The following TRAPPC9 variants were observed in gnomAD, a reference collection of about 807,000 sequenced individuals.
The protein encoded by TRAPPC9 is trafficking protein particle complex subunit 9.
TRAPPC9 carries 83 observed loss-of-function variants against 124.0 expected under a neutral mutation model. The ratio of observed to expected loss-of-function variants is 0.67; its 90% CI spans 0.56 to 0.80. The LOEUF is 0.80. Ranked by LOEUF, TRAPPC9 falls within the 30% of genes least tolerant of loss-of-function variation. TRAPPC9 has a pLI of 0.00. For missense variants in TRAPPC9, 1,302 were observed against 1,508.3 expected (o/e 0.86, Z 2.27); for synonymous variants, 638 against 617.5 (o/e 1.03, Z -0.49).
At chr8:140,023,851 G>A in intron 18 of TRAPPC9, 86 bp downstream of exon 18, 1 of 1,601,168 alleles carries the variant, frequency 6.2e-7, no homozygotes, top group South Asian at 1.1e-5. Flanking sequence ...CGGGATGCAT[G>A]ACAAAAACAC....
At chr8:140,156,931 A>AAAGCCTCCCTTTCCATTCAG (rs1563803811) in intron 17 of TRAPPC9, among the ~76,000 whole-genome samples, 5 of 149,602 alleles carry the variant, frequency 3.3e-5, no homozygotes, top group Admixed American at 6.6e-5. Flanking sequence ...AAACATTGGA[A>AAAGCCTCCCTTTCCATTCAG]AAGCCTCCCT....
rs549997053 is a variant in TRAPPC9 at position 139,964,248 on chromosome 8, G to C, written c.2810+24478C>G. ...TCAAAAAAAAAAAAAAAAAAAAAGC[G>C]GGGGAGCACCTCAGGAGGCCAGGGA... On this transcript the variant is annotated intron_variant, in intron 19 of 22. Transcript: ENST00000438773. 5.7e-3 allele frequency among the ~76,000 whole-genome samples: 803 copies of C among 141,486 alleles called. 5 individuals carry two copies. The highest frequency in any genetic ancestry group is 8.7e-3 in the Non-Finnish European group (571 of 65,784). The allele number at this position is 141,486 out of a possible 152,430, so 92.8% of individuals were successfully genotyped here.
intron 7 of TRAPPC9, among the ~76,000 whole-genome samples, chr8:140,380,457 C>A (rs2068569717): frequency 6.6e-6 from 1 of 151,890 alleles, no homozygotes; most frequent in Non-Finnish European, 1.5e-5. Flanking sequence ...AGTTCAAGAC[C>A]AGCCTGGCCA....
intron 21 of TRAPPC9, among the ~76,000 whole-genome samples, chr8:139,786,507 T>C (rs543503302): frequency 6.9e-6 from 1 of 144,928 alleles, no homozygotes; most frequent in African/African-American, 2.5e-5. Flanking sequence ...GGAAGCTTCT[T>C]AAAAAAAAAA....
At chr8:140,209,727 T>C (rs2063010714) in intron 17 of TRAPPC9, among the ~76,000 whole-genome samples, 1 of 152,174 alleles carries the variant, frequency 6.6e-6, no homozygotes, top group South Asian at 2.1e-4. Flanking sequence ...CCGGAGAAAG[T>C]ATTATTATCT....
intron 18 of TRAPPC9, among the ~76,000 whole-genome samples, chr8:140,020,850 T>A (rs777693464): frequency 5.9e-5 from 9 of 152,254 alleles, no homozygotes; most frequent in Non-Finnish European, 1.0e-4. Flanking sequence ...TTGATCATTA[T>A]GTACTTTTGA....
At chr8:139,957,639 G>C (rs1835087252) in intron 19 of TRAPPC9, among the ~76,000 whole-genome samples, 1 of 152,226 alleles carries the variant, frequency 6.6e-6, no homozygotes. Context: ...GGCAGAGGGA[G>C]AAAGAAGCAA....
chr8:140,411,957 A>G (rs1365019530), intron 5 of TRAPPC9, among the ~76,000 whole-genome samples: 1 of 152,264 alleles, frequency 6.6e-6, no homozygotes, highest in Non-Finnish European at 1.5e-5. Context: ...CAGCACAGTA[A>G]TAACTGACTC....
In TRAPPC9 at chr8:140,241,363, T is replaced by C. The variant is rs1229948623; in HGVS notation, c.2431+11414A>G. The stretch of plus-strand genomic sequence containing the variant: ...TTGTAGTGAGCTGAGATCACACCAC[T>C]GCACTCCAGCCTGGGAGACAGAGTG... On this transcript the variant is annotated intron_variant, in intron 16 of 22. Coordinates refer to ENST00000438773, the MANE Select transcript of TRAPPC9 (RefSeq NM_001160372.4). The surrounding 1 kb of genome is among the most constrained non-coding windows in gnomAD (Gnocchi z 5.0). Among the ~76,000 whole-genome samples, 1 of 152,032 alleles carries C rather than the reference T, an allele frequency of 6.6e-6. No individual in the cohort carries two copies. The highest frequency in any genetic ancestry group is 1.5e-5 in the Non-Finnish European group (1 of 68,028).
intron 17 of TRAPPC9, among the ~76,000 whole-genome samples, chr8:140,101,541 G>GTTTTTTTTTTTTTTTTTTT: frequency 8.7e-6 from 1 of 114,958 alleles, no homozygotes; most frequent in Non-Finnish European, 1.7e-5. Flanking sequence ...TCTTTTTTTT[G>GTTTTTTTTTTTTTTTTTTT]TTTTTTTTTT....
At chr8:140,075,900 C>T (rs943772968) in intron 17 of TRAPPC9, among the ~76,000 whole-genome samples, 3 of 152,234 alleles carry the variant, frequency 2.0e-5, no homozygotes, top group Non-Finnish European at 4.4e-5. Flanking sequence ...CTGCCTTTTG[C>T]AGTTACTGAT....
intron 5 of TRAPPC9, among the ~76,000 whole-genome samples, chr8:140,412,868 T>C (rs2069756912): frequency 1.3e-5 from 2 of 152,082 alleles, no homozygotes; most frequent in Non-Finnish European, 1.5e-5. Context: ...CAACTGGGAA[T>C]ATAAATGAAA....
At chr8:140,042,894 C>G (rs998449807) in intron 17 of TRAPPC9, among the ~76,000 whole-genome samples, 3 of 152,210 alleles carry the variant, frequency 2.0e-5, no homozygotes, top group Admixed American at 1.3e-4. Flanking sequence ...GTTGTGCCTC[C>G]GGGCTCCTTC....
chr8:140,207,969 T>C (rs1363864542), intron 17 of TRAPPC9, among the ~76,000 whole-genome samples: 1 of 152,028 alleles, frequency 6.6e-6, no homozygotes, highest in Non-Finnish European at 1.5e-5. Flanking sequence ...CTGGCCAACA[T>C]GGAGAAACCC....
intron 18 of TRAPPC9, among the ~76,000 whole-genome samples, chr8:140,021,992 C>G (rs375557849): frequency 1.3e-4 from 20 of 152,190 alleles, no homozygotes; most frequent in Non-Finnish European, 2.9e-4. Flanking sequence ...GCCCTTTACA[C>G]GAAGTATGGG....
intron 19 of TRAPPC9, among the ~76,000 whole-genome samples, chr8:139,977,617 C>T (rs568130437): frequency 2.1e-4 from 24 of 111,914 alleles, no homozygotes; most frequent in African/African-American, 8.0e-4. Flanking sequence ...GACTCTGTCT[C>T]AAAAAAAAAA....
rs13265797 is a variant in TRAPPC9 at position 139,776,635 on chromosome 8, G to A, written c.3056-44433C>T. ...TCGGAGCCTCTGGAGCTTTGGTCCC[G>A]TCATCTGCCTGTGTGCACGTGTGTG... On this transcript the variant is annotated intron_variant, in intron 21 of 22. Transcript: ENST00000438773. This position sits in a 1 kb window ranked among gnomAD's most constrained non-coding sequence, Gnocchi z 4.1. Among the ~76,000 whole-genome samples the A allele has an allele frequency of 3.5e-3, 537 of 152,174 alleles. 1 individual carries two copies. The highest frequency in any genetic ancestry group is 6.1e-3 in the Non-Finnish European group (417 of 68,012).
At chr8:140,170,799 G>A (rs987260129) in intron 17 of TRAPPC9, among the ~76,000 whole-genome samples, 3 of 152,174 alleles carry the variant, frequency 2.0e-5, no homozygotes, top group African/African-American at 4.8e-5. Flanking sequence ...CAGCTCCAGC[G>A]CTACTCCTGT....
At chr8:140,418,701 C>A (rs2070034323) in intron 5 of TRAPPC9, among the ~76,000 whole-genome samples, 1 of 151,548 alleles carries the variant, frequency 6.6e-6, no homozygotes, top group South Asian at 2.1e-4. Context: ...GCCTGGGCGA[C>A]AAAGCGAGAC....
Sources: allele counts gnomAD v4.1 joint callset (sites outside exome capture counted in the v4.1 genomes callset), GRCh38; gene constraint gnomAD v4.1.1; non-coding constraint Gnocchi (gnomAD v3.1); transcripts MANE v1.5; gene names NCBI Gene and HGNC (gene_info 2026-07-23, HGNC 2026-07-21).